LDLRAD4: variants seen among roughly 807,000 people sequenced by gnomAD.
LDLRAD4 encodes the protein low density lipoprotein receptor class A domain containing 4, also known as low-density lipoprotein receptor class A domain-containing protein 4.
A neutral mutation model predicts 17.0 loss-of-function variants in LDLRAD4; 5 were observed. The observed-to-expected ratio is 0.29, with a 90% CI of 0.15 to 0.62. The LOEUF is 0.62. LDLRAD4 is among the 20% of genes least tolerant of loss of function. LDLRAD4 has a pLI of 0.84. For synonymous variants in LDLRAD4, 168 were observed against 171.8 expected, an observed-to-expected ratio of 0.98 and a Z score of 0.17; for missense variants, 340 against 424.7, an observed-to-expected ratio of 0.80 and a Z score of 1.75.
intron 1 of LDLRAD4, among the ~76,000 whole-genome samples, chr18:13,375,104 A>G (rs1274122611): frequency 6.6e-6 from 1 of 152,190 alleles, no homozygotes; most frequent in Admixed American, 6.5e-5. Context: ...TGGAGCAGCT[A>G]GACTGCTTTT....
chr18:13,387,957 GA>G (rs979343160), intron 2 of LDLRAD4, among the ~76,000 whole-genome samples, 195 bp downstream of exon 3: 55 of 152,328 alleles, frequency 3.6e-4, no homozygotes, highest in African/African-American at 1.3e-3. Flanking sequence ...ATAGCAGTTT[GA>G]AAAAGTGTTT....
intron 3 of LDLRAD4, among the ~76,000 whole-genome samples, chr18:13,592,685 G>A (rs2095044002): frequency 6.6e-6 from 1 of 152,168 alleles, no homozygotes; most frequent in East Asian, 1.9e-4. Flanking sequence ...ATTTATCCAA[G>A]GAGGGATAAT....
intron 1 of LDLRAD4, among the ~76,000 whole-genome samples, chr18:13,233,550 C>G (rs566203786): frequency 6.6e-6 from 1 of 152,300 alleles, no homozygotes; most frequent in African/African-American, 2.4e-5. Flanking sequence ...CTTCTCTAAG[C>G]AAAGATGTCT....
intron 2 of LDLRAD4, among the ~76,000 whole-genome samples, chr18:13,432,077 A>T (rs1269436237): frequency 6.6e-6 from 1 of 152,136 alleles, no homozygotes; most frequent in Non-Finnish European, 1.5e-5. Context: ...TCACGTTGAT[A>T]ACACGCCGGT....
At chr18:13,310,778 G>A (rs924039404) in intron 1 of LDLRAD4, among the ~76,000 whole-genome samples, 1 of 152,190 alleles carries the variant, frequency 6.6e-6, no homozygotes, top group African/African-American at 2.4e-5. Context: ...CTCATTTACT[G>A]TAGATCATCT....
At chr18:13,317,357 T>C (rs765838565) in intron 1 of LDLRAD4, among the ~76,000 whole-genome samples, 1 of 152,218 alleles carries the variant, frequency 6.6e-6, no homozygotes, top group African/African-American at 2.4e-5. Context: ...CCAAAGCAAT[T>C]TGGATGGAAG....
At chr18:13,648,795 C>G (rs1445091461) in exon 6 of LDLRAD4, 3 of 152,288 alleles carry the variant, frequency 2.0e-5, no homozygotes, top group South Asian at 2.1e-4. Flanking sequence ...TGACTTTTGT[C>G]CCTTGTTCCC....
chr18:13,522,175 A>G (rs1304309266), intron 3 of LDLRAD4: 4 of 152,100 alleles, frequency 2.6e-5, no homozygotes, highest in Non-Finnish European at 5.9e-5. Context: ...GCTTTTTAGC[A>G]GTGGCTGGCC....
At chr18:13,313,536 T>G (rs998177555) in intron 1 of LDLRAD4, among the ~76,000 whole-genome samples, 109 of 152,336 alleles carry the variant, frequency 7.2e-4, no homozygotes, top group Non-Finnish European at 2.4e-4. Context: ...ACAGTTGTTT[T>G]AAGCACTAGC....
intron 3 of LDLRAD4, among the ~76,000 whole-genome samples, chr18:13,528,182 C>T (rs77541422): frequency 0.045 from 6,868 of 152,244 alleles, 551 homozygotes; most frequent in African/African-American, 0.16. Flanking sequence ...CCACCTGAGT[C>T]TAAAAGTATA....
chr18:13,319,660 C>T (rs2081116828), intron 1 of LDLRAD4, among the ~76,000 whole-genome samples: 1 of 152,140 alleles, frequency 6.6e-6, no homozygotes, highest in Non-Finnish European at 1.5e-5. Context: ...AATAGCAGTT[C>T]TCCTTTTAAA....
At chr18:13,360,861 G>T (rs1231371788) in intron 1 of LDLRAD4, among the ~76,000 whole-genome samples, 2 of 152,200 alleles carry the variant, frequency 1.3e-5, no homozygotes, top group Admixed American at 6.5e-5. Context: ...GACCCTGGGA[G>T]AATTTCTGGT....
At chr18:13,250,730 A>C (rs1224229797) in intron 1 of LDLRAD4, among the ~76,000 whole-genome samples, 1 of 152,242 alleles carries the variant, frequency 6.6e-6, no homozygotes, top group East Asian at 1.9e-4. Flanking sequence ...AAGTTGAATC[A>C]GTAATAAAAG....
chr18:13,456,976 G>A (rs578103833), intron 3 of LDLRAD4, among the ~76,000 whole-genome samples: 1 of 152,350 alleles, frequency 6.6e-6, no homozygotes, highest in South Asian at 2.1e-4. Flanking sequence ...CTCACCCTGT[G>A]TTTTTCCTCT....
chr18:13,388,025 A>G (rs545964538), intron 2 of LDLRAD4, among the ~76,000 whole-genome samples: 17 of 152,342 alleles, frequency 1.1e-4, no homozygotes, highest in African/African-American at 4.1e-4. Context: ...ATCCTGCAGT[A>G]TTCGCAGCGT....
intron 3 of LDLRAD4, among the ~76,000 whole-genome samples, chr18:13,503,652 G>A (rs1000080753): frequency 3.3e-5 from 5 of 152,124 alleles, no homozygotes; most frequent in African/African-American, 1.2e-4. Flanking sequence ...CAGAGGGGAA[G>A]CAGGCAGCCC....
At chr18:13,517,066 GC>G (rs1251809248) in intron 3 of LDLRAD4, among the ~76,000 whole-genome samples, 1 of 152,206 alleles carries the variant, frequency 6.6e-6, no homozygotes, top group Non-Finnish European at 1.5e-5. Context: ...GCCTAGGTTG[GC>G]CTTGAACTCC....
chr18:13,300,017 C>T lies in LDLRAD4; in HGVS notation c.-383+21829C>T, dbSNP rs1475330610. Among the ~76,000 whole-genome samples, 16 of 152,216 alleles carry T rather than the reference C, an allele frequency of 1.1e-4. No individual in the cohort carries two copies. The highest frequency in any genetic ancestry group is 1.0e-3 in the Admixed American group (16 of 15,290). ...CCCTGGTGCCTGCACACATCAGCCTCTCATGGCTCAGTTGCTGGCTTTGTG... is the reference window on the plus strand; with the variant it reads ...CCCTGGTGCCTGCACACATCAGCCTTTCATGGCTCAGTTGCTGGCTTTGTG... On this transcript the variant is annotated intron_variant, in intron 1 of 5. Transcript: ENST00000359446. This position sits in a 1 kb window ranked among gnomAD's most constrained non-coding sequence, Gnocchi z 4.2.
At chr18:13,223,974 TG>T (rs1371980823) in intron 1 of LDLRAD4, among the ~76,000 whole-genome samples, 2 of 152,224 alleles carry the variant, frequency 1.3e-5, no homozygotes, top group Non-Finnish European at 2.9e-5. Flanking sequence ...GACCACTTAC[TG>T]GCAGGGTGCC....
Sources: allele counts gnomAD v4.1 joint callset (sites outside exome capture counted in the v4.1 genomes callset), GRCh38; gene constraint gnomAD v4.1.1; non-coding constraint Gnocchi (gnomAD v3.1); transcripts MANE v1.5; gene names NCBI Gene and HGNC (gene_info 2026-07-23, HGNC 2026-07-21).